MYO15A: variants seen among roughly 807,000 people sequenced by gnomAD.
MYO15A encodes unconventional myosin-XV.
In MYO15A, 308 loss-of-function variants were observed where a neutral mutation model predicts 394.6. That is an observed-to-expected ratio of 0.78 (90% CI 0.71 to 0.86). The LOEUF is 0.86. Among genes scored for constraint, MYO15A ranks in the 40% least tolerant of loss-of-function variants. MYO15A has a pLI of 0.00. For missense variants in MYO15A, 4,606 were observed against 4,799.1 expected, an observed-to-expected ratio of 0.96 and a Z score of 1.19; for synonymous variants, 1,957 against 2,003.8, an observed-to-expected ratio of 0.98 and a Z score of 0.62.
rs551860570 is a variant in MYO15A at position 18,153,075 on chromosome 17, G to A, written c.7967-700G>A. Among the ~76,000 whole-genome samples the A allele has an allele frequency of 9.9e-5, 15 of 152,204 alleles. No individual in the cohort carries two copies. Among genetic ancestry groups the A allele is most frequent in the East Asian group, 3.8e-4 (2 of 5,196 alleles). ...CAGGGGCATTGTTTACCTTATTTGC[G>A]GGGCCATCTCAGCCTTTAGCCCAGG... On this transcript the variant is annotated intron_variant, in intron 42 of 65. Coordinates refer to ENST00000647165, the MANE Select transcript of MYO15A (RefSeq NM_016239.4). The surrounding 1 kb of genome is among the most constrained non-coding windows in gnomAD (Gnocchi z 4.1).
chr17:18,114,654 G>A (rs1251587490), intron 1 of MYO15A, among the ~76,000 whole-genome samples: 2 of 152,164 alleles, frequency 1.3e-5, no homozygotes, highest in East Asian at 3.9e-4. Context: ...GGAGCTCTAA[G>A]GAGCTGCATC....
At chr17:18,172,057 C>T (rs2046950280) in intron 63 of MYO15A, 100 bp from the exon 64 acceptor site, 2 of 1,592,616 alleles carry the variant, frequency 1.3e-6, no homozygotes, top group Non-Finnish European at 1.7e-6. Flanking sequence ...GGCTTCTGCA[C>T]TGGCTGGACA....
intron 1 of MYO15A, among the ~76,000 whole-genome samples, chr17:18,111,183 A>G (rs966380272): frequency 6.6e-6 from 1 of 152,168 alleles, no homozygotes. Flanking sequence ...CTACAAAAAA[A>G]CATTAGCCAG....
In MYO15A at chr17:18,119,850, C is replaced by G; in HGVS notation, c.1050C>G (p.Asp350Glu). 1 of 1,613,122 alleles carries G rather than the reference C, an allele frequency of 6.2e-7. No individual in the cohort carries two copies. Among genetic ancestry groups the G allele is most frequent in the Non-Finnish European group, 8.5e-7 (1 of 1,179,994 alleles). Residue 350 changes from aspartate to glutamate, a missense_variant, in exon 2 of 66, where the codon GAC becomes GAG. By Grantham distance (45) the Asp-to-Glu change is conservative. This residue lies in a region of MYO15A where 1,830 missense variants were observed against 1,689.7 expected (regional missense o/e 1.08). Transcript: ENST00000647165. ...ACCTGGATCCCTATGCGCCGTACGA[C>G]GCGCCATACCCACCCTATGACCTCC... Reference protein sequence around the residue: ...GYYLDPYAPYDAPYPPYDLPY... With the variant: ...GYYLDPYAPYEAPYPPYDLPY...
At chr17:18,166,828 G>A (rs949162695) in intron 61 of MYO15A, among the ~76,000 whole-genome samples, 2 of 152,038 alleles carry the variant, frequency 1.3e-5, no homozygotes, top group African/African-American at 2.4e-5. Context: ...CCTTTCCTTC[G>A]GATGTCTTCC....
rs535308861 is a variant in MYO15A, at chr17:18,122,184, G to A, written c.3384G>A (p.Gln1128=). ...GTGTGCAGAAGCTGAGCTCTTTCCA[G>A]CGAGTTGGGCCTGCAACCCTGAAGC... is the stretch of plus-strand genomic sequence containing the variant. The part of the protein sequence containing the change: ...MPRVQKLSSF[Q]RVGPATLKPQ... Residue 1128 remains glutamine (Q), a synonymous_variant, in exon 2 of 66, where the codon CAG becomes CAA. Transcript: ENST00000647165. 104 of 1,613,160 alleles carry A rather than the reference G, an allele frequency of 6.4e-5. 1 individual carries two copies. In the South Asian group the frequency reaches 1.1e-3, roughly 17 times the overall value.
At chr17:18,124,822 A>G (rs2046003209) in intron 3 of MYO15A, 5 of 587,916 alleles carry the variant, frequency 8.5e-6, no homozygotes, top group Non-Finnish European at 1.2e-5. Context: ...TTTCTCATCC[A>G]CAAAATGGGA....
intron 7 of MYO15A, 134 bp downstream of exon 7, chr17:18,127,299 C>T (rs1238888764): frequency 1.2e-5 from 13 of 1,103,856 alleles, no homozygotes; most frequent in Non-Finnish European, 1.3e-6. Context: ...GGGGCCTTGC[C>T]CAGGGCTGCT....
In MYO15A at chr17:18,126,826, A is replaced by G. The variant is rs1336534583; in HGVS notation, c.3902A>G (p.Lys1301Arg). The G allele has an allele frequency of 1.2e-6, 2 of 1,613,714 alleles. No individual in the cohort carries two copies. Reference protein sequence around the residue: ...LFAVANLAFAKMLDAKQNQCI... With the variant: ...LFAVANLAFARMLDAKQNQCI... ...GCTGTTGCAAATCTCGCCTTCGCCAAAATGCTCGATGCCAAACAGAACCAG... is the reference window on the plus strand; with the variant it reads ...GCTGTTGCAAATCTCGCCTTCGCCAGAATGCTCGATGCCAAACAGAACCAG... Residue 1301 changes from lysine (K) to arginine (R), a missense_variant, in exon 6 of 66, where the codon AAA becomes AGA. This residue lies in a region of MYO15A where 2,776 missense variants were observed against 3,109.3 expected (regional missense o/e 0.89). Transcript: ENST00000647165.
chr17:18,151,384 C>T lies in MYO15A; in HGVS notation c.7655-11C>T, dbSNP rs771767292. The T allele has an allele frequency of 1.2e-6, 2 of 1,614,228 alleles. No individual in the cohort carries two copies. Among genetic ancestry groups the T allele is most frequent in the Middle Eastern group, 1.6e-4 (1 of 6,062 alleles). ...GCCTCACCCTGTTCCCACCGCGCCC[C>T]TTGCCCACAGCTTCACCCTCCCCAG... On this transcript the variant is annotated splice_polypyrimidine_tract_variant and intron_variant, in intron 39 of 65. Coordinates refer to ENST00000647165, the MANE Select transcript of MYO15A (RefSeq NM_016239.4).
chr17:18,176,541 C>CTTTTTTTTTTTTTTT (rs35105114), intron 65 of MYO15A: 28 of 93,426 alleles, frequency 3.0e-4, no homozygotes, highest in East Asian at 5.0e-4. Flanking sequence ...TTTTACTTTT[C>CTTTTTTTTTTTTTTT]TTTTTTTTTT....
Position 18,141,671 on chromosome 17 carries a change from C to T in MYO15A, c.5550C>T (p.Ala1850=). The T allele has an allele frequency of 6.2e-7, 1 of 1,614,018 alleles. No individual in the cohort carries two copies. Among genetic ancestry groups the T allele is most frequent in the South Asian group, 1.1e-5 (1 of 91,080 alleles). The change falls in exon 23 of 66, where the codon GCC becomes GCT. Residue 1850 remains alanine, a synonymous_variant. Transcript: ENST00000647165. ...GFIDRYCCLV[A]LKHDLPANGD... is the part of the protein sequence containing the mutation. ...CTACCAGGTACTGCTGTCTAGTGGCCCTCAAGCATGACCTGCCGGCTAATG... is the reference window on the plus strand; with the variant it reads ...CTACCAGGTACTGCTGTCTAGTGGCTCTCAAGCATGACCTGCCGGCTAATG...
chr17:18,141,987 C>A, intron 23 of MYO15A, 92 bp from the exon 24 acceptor site: 1 of 1,516,066 alleles, frequency 6.6e-7, no homozygotes, highest in Non-Finnish European at 9.1e-7. Context: ...GCTGCCCTGC[C>A]TATTCTGTCT....
chr17:18,156,070 CT>C, intron 47 of MYO15A, 124 bp from the exon 48 acceptor site: 1 of 1,458,062 alleles, frequency 6.9e-7, no homozygotes. Context: ...TCTGTGGGAG[CT>C]GGCACAATGG....
In MYO15A at chr17:18,140,547, C is replaced by G; in HGVS notation, c.5242C>G (p.Pro1748Ala). Residue 1748 changes from proline (P) to alanine (A), a missense_variant, in exon 20 of 66, where the codon CCA becomes GCA. This residue lies in a region of MYO15A where 2,776 missense variants were observed against 3,109.3 expected (regional missense o/e 0.89). Transcript: ENST00000647165. Reference sequence around the variant, plus strand: ...GGCACACCTCTTCTCCAGCCATGCCCCACAGGCTGCCCCTCAGCGCCTGGG... The same window carrying G: ...GGCACACCTCTTCTCCAGCCATGCCGCACAGGCTGCCCCTCAGCGCCTGGG... Reference protein sequence around the residue: ...VVAHLFSSHAPQAAPQRLGKS... With the variant: ...VVAHLFSSHAAQAAPQRLGKS... 1 of 1,613,728 alleles carries G rather than the reference C, an allele frequency of 6.2e-7. No homozygotes were observed. The highest frequency in any genetic ancestry group is 8.5e-7 in the Non-Finnish European group (1 of 1,180,044).
chr17:18,145,059 G>A (rs2046452276), intron 29 of MYO15A, among the ~76,000 whole-genome samples: 1 of 152,184 alleles, frequency 6.6e-6, no homozygotes, highest in African/African-American at 2.4e-5. Flanking sequence ...GGAGAGTGGA[G>A]AAAGTACACA....
At position 18,133,369 on chromosome 17, in the gene MYO15A, T is replaced by A. The variant is rs2046203974; in HGVS notation, c.4465T>A (p.Tyr1489Asn). 1 of 1,614,224 alleles carries A rather than the reference T, an allele frequency of 6.2e-7. No individual in the cohort carries two copies. The highest frequency in any genetic ancestry group is 8.5e-7 in the Non-Finnish European group (1 of 1,180,030). Residue 1489 changes from tyrosine to asparagine, a missense_variant, in exon 12 of 66, where the codon TAC becomes AAC. Tyr to Asn is a moderately radical substitution (Grantham distance 143). This residue lies in a region of MYO15A where 2,776 missense variants were observed against 3,109.3 expected (regional missense o/e 0.89). Transcript: ENST00000647165. ...CTCCATCCTGCACCTGGGCAACGTC[T>A]ACTTTGAGAAGTATGAGGTGAGGGG... The part of the protein sequence containing the change: ...LASILHLGNV[Y>N]FEKYETDAQE...
At position 18,171,635 on chromosome 17, in the gene MYO15A, C is replaced by T; in HGVS notation, c.10083-3C>T. Reference sequence around the variant, plus strand: ...GACCTTTTTCCCCTTCCTCCGTACACAGGCGGGAAGTCCAGGAGTACATCC... The same window carrying T: ...GACCTTTTTCCCCTTCCTCCGTACATAGGCGGGAAGTCCAGGAGTACATCC... On this transcript the variant is annotated splice_polypyrimidine_tract_variant and splice_region_variant and intron_variant, in intron 62 of 65. Transcript: ENST00000647165. The T allele has an allele frequency of 2.5e-6, 4 of 1,613,950 alleles. No homozygotes were observed. The East Asian group carries it at 6.7e-5, about 27-fold the overall frequency.
intron 64 of MYO15A, chr17:18,172,577 CCA>C (rs1285748917): frequency 7.4e-5 from 36 of 485,434 alleles, no homozygotes; most frequent in Non-Finnish European, 1.2e-4. Flanking sequence ...TAATAAAAGA[CCA>C]CAGACTGAGT....
Sources: allele counts gnomAD v4.1 joint callset (sites outside exome capture counted in the v4.1 genomes callset), GRCh38; gene constraint gnomAD v4.1.1; regional missense constraint gnomAD v4.1.1; non-coding constraint Gnocchi (gnomAD v3.1); transcripts MANE v1.5; gene names NCBI Gene and HGNC (gene_info 2026-07-23, HGNC 2026-07-21).